E2F8: variants seen among roughly 807,000 people sequenced by gnomAD.
E2F8 encodes transcription factor E2F8.
A neutral mutation model predicts 80.8 loss-of-function variants in E2F8; 35 were observed. That is an observed-to-expected ratio of 0.43 (90% CI 0.33 to 0.57). The LOEUF is 0.57. E2F8 is among the 20% of genes least tolerant of loss of function. The pLI is 0.04. For synonymous variants in E2F8, 386 were observed against 395.0 expected (o/e 0.98, Z 0.27); for missense variants, 975 against 1,056.2 (o/e 0.92, Z 1.07).
rs1457849712 is a variant in E2F8 at position 19,233,913 on chromosome 11, G to C, written c.928+447C>G. On this transcript the variant is annotated intron_variant, in intron 6 of 12. Transcript: ENST00000250024. The stretch of plus-strand genomic sequence containing the variant: ...TGGGAGGCCTCCCAAAATTTGGGAG[G>C]CCGAGGTGGGTGGATCACGAGGTCA... Among the ~76,000 whole-genome samples the C allele has an allele frequency of 3.3e-5, 5 of 151,486 alleles. 1 individual carries two copies. Among genetic ancestry groups the C allele is most frequent in the Non-Finnish European group, 7.4e-5 (5 of 67,870 alleles).
chr11:19,234,654 G>A, intron 5 of E2F8, 90 bp downstream of exon 5: 1 of 1,527,978 alleles, frequency 6.5e-7, no homozygotes, highest in Non-Finnish European at 8.8e-7. Context: ...AAAGGCAGCA[G>A]TAGCTTTAGA....
chr11:19,236,706 A>G (rs1851528409), intron 4 of E2F8, among the ~76,000 whole-genome samples: 1 of 152,260 alleles, frequency 6.6e-6, no homozygotes, highest in Non-Finnish European at 1.5e-5. Context: ...TATCTTGCAC[A>G]GCACATCACT....
At position 19,234,445 on chromosome 11, in the gene E2F8, C is replaced by T. The variant is rs747585640; in HGVS notation, c.843G>A (p.Thr281=). The change falls in exon 6 of 13, where the codon ACG becomes ACA. Residue 281 remains threonine (T), a synonymous_variant. Transcript: ENST00000250024. The part of the protein sequence containing the change: ...QKFVMLFLVS[T]PQIVSLEVAA... ...CAACTTCTAGGCTTACTATCTGAGG[C>T]GTTGACACCAAAAACAGCATCACAA... 2.4e-5 allele frequency: 38 copies of T among 1,614,050 alleles called. No homozygotes were observed. In the Admixed American group the frequency reaches 2.7e-4, roughly 11 times the overall value.
In E2F8 at chr11:19,237,995, G is replaced by A; in HGVS notation, c.153C>T (p.Gly51=). 1 of 1,614,218 alleles carries A rather than the reference G, an allele frequency of 6.2e-7. No homozygotes were observed. Among genetic ancestry groups the A allele is most frequent in the Non-Finnish European group, 8.5e-7 (1 of 1,180,038 alleles). Residue 51 remains glycine, a synonymous_variant, in exon 3 of 13, where the codon GGC becomes GGT. Transcript: ENST00000250024. ...TCGGTGTCCACGGCTCTCCCTGAGA[G>A]CCTTCCTTGGGCTTGGTAGGTGTGG... ...PLTTPTKPKE[G]SQGEPWTPTA...
Position 19,225,404 on chromosome 11 carries a change from G to A in E2F8, c.2238C>T (p.Pro746=). 1 of 1,614,202 alleles carries A rather than the reference G, an allele frequency of 6.2e-7. No homozygotes were observed. Among genetic ancestry groups the A allele is most frequent in the South Asian group, 1.1e-5 (1 of 91,084 alleles). ...FTLQHLGLIS[P]NVQLSASPGS... ...CAGGGCTGGCAGACAACTGCACATT[G>A]GGTGAGATGAGTCCCAGGTGCTGCA... Residue 746 remains proline, a synonymous_variant, in exon 12 of 13, where the codon CCC becomes CCT. Transcript: ENST00000250024.
At chr11:19,234,145 TAAAAAAAAAAA>T (rs967973962) in intron 6 of E2F8, among the ~76,000 whole-genome samples, 4 of 92,568 alleles carry the variant, frequency 4.3e-5, no homozygotes, top group Non-Finnish European at 6.2e-5. Flanking sequence ...AGACTCCGTC[TAAAAAAAAAAA>T]AAAAAAAAAA....
rs1851353780 is a variant in E2F8 at position 19,230,674 on chromosome 11, T to C, written c.1227A>G (p.Arg409=). 1 of 1,614,106 alleles carries C rather than the reference T, an allele frequency of 6.2e-7. No individual in the cohort carries two copies. Among genetic ancestry groups the C allele is most frequent in the African/African-American group, 1.3e-5 (1 of 74,940 alleles). The change falls in exon 8 of 13, where the codon AGA becomes AGG. Residue 409 remains arginine, a synonymous_variant. Coordinates refer to ENST00000250024, the MANE Select transcript of E2F8 (RefSeq NM_024680.4). ...KLVKSIESDR[R]KINSAPSSPI... ...GGCTACTGGGCGCAGAATTTATCTTTCTCCGATCACTTTCTATACTCTTTA... is the reference window on the plus strand; with the variant it reads ...GGCTACTGGGCGCAGAATTTATCTTCCTCCGATCACTTTCTATACTCTTTA...
At position 19,229,454 on chromosome 11, in the gene E2F8, T is replaced by A; in HGVS notation, c.1893A>T (p.Ala631=). The change falls in exon 10 of 13, where the codon GCA becomes GCT. Residue 631 remains alanine, a splice_region_variant and synonymous_variant. Coordinates refer to ENST00000250024, the MANE Select transcript of E2F8 (RefSeq NM_024680.4). The surrounding 1 kb of genome is among the most constrained non-coding windows in gnomAD (Gnocchi z 4.3). ...EDLKGLENVS[A]TLFPSGYLIP... ...TTGTGCAGTTCAAGGCTGTACTTAC[T>A]GCGGAGACATTTTCAAGTCCTTTTA... The A allele has an allele frequency of 6.2e-7, 1 of 1,611,244 alleles. No individual in the cohort carries two copies. Among genetic ancestry groups the A allele is most frequent in the Admixed American group, 1.7e-5 (1 of 59,734 alleles).
chr11:19,227,779 C>T (rs1851273265), intron 10 of E2F8, among the ~76,000 whole-genome samples: 1 of 152,162 alleles, frequency 6.6e-6, no homozygotes, highest in South Asian at 2.1e-4. Flanking sequence ...TTTGCTCAGG[C>T]CATACTAAAA....
chr11:19,225,792 C>G lies in E2F8; in HGVS notation c.1966G>C (p.Gly656Arg). The G allele has an allele frequency of 3.7e-6, 6 of 1,613,886 alleles. No homozygotes were observed. The highest frequency in any genetic ancestry group is 1.7e-5 in the Admixed American group (1 of 60,004). The change falls in exon 11 of 13, where the codon GGT becomes CGT. Residue 656 changes from glycine (G) to arginine (R), a missense_variant. By Grantham distance (125) the Gly-to-Arg change is moderately radical. Coordinates refer to ENST00000250024, the MANE Select transcript of E2F8 (RefSeq NM_024680.4). The part of the protein sequence containing the change: ...SSLGAESILS[G>R]KENSSALSPN... The stretch of plus-strand genomic sequence containing the variant: ...GAAAGAGCACTTGAGTTTTCTTTAC[C>G]AGACAAAATGGACTCTGCCCCCAGG...
At chr11:19,241,242 C>A (rs1489380171), upstream of E2F8, among the ~76,000 whole-genome samples, 1 of 152,206 alleles carries the variant, frequency 6.6e-6, no homozygotes, top group African/African-American at 2.4e-5. The surrounding 1 kb of genome is among the most constrained non-coding windows in gnomAD (Gnocchi z 4.5). Context: ...CCGCCCCTCC[C>A]CCTCGTTCGC....
At position 19,230,563 on chromosome 11, in the gene E2F8, A is replaced by G. The variant is rs1050051918; in HGVS notation, c.1270+68T>C. The G allele has an allele frequency of 1.9e-6, 3 of 1,541,296 alleles. No homozygotes were observed. The African/African-American group carries it at 4.1e-5, about 21-fold the overall frequency. On this transcript the variant is annotated intron_variant, in intron 8 of 12. Coordinates refer to ENST00000250024, the MANE Select transcript of E2F8 (RefSeq NM_024680.4). Reference sequence around the variant, plus strand: ...TCTCTGACAACTATTGCAAGGATCAAGTAAGCTGAAAAAATGAGATAAAAG... The same window carrying G: ...TCTCTGACAACTATTGCAAGGATCAGGTAAGCTGAAAAAATGAGATAAAAG...
chr11:19,234,921 C>G lies in E2F8; in HGVS notation c.589G>C (p.Gly197Arg). ...NKTLGTLKSI[G>R]EENKYAEQIM... ...TGCTCGGCGTACTTATTCTCCTCCC[C>G]GATGCTCTTCAAGGTGCCAAGGGTT... The change falls in exon 5 of 13, where the codon GGG (glycine) becomes CGG (arginine). Residue 197 changes from glycine to arginine, a missense_variant. By Grantham distance (125) the Gly-to-Arg change is moderately radical. Transcript: ENST00000250024. 1 of 1,614,170 alleles carries G rather than the reference C, an allele frequency of 6.2e-7. No individual in the cohort carries two copies. The highest frequency in any genetic ancestry group is 8.5e-7 in the Non-Finnish European group (1 of 1,180,036).
intron 9 of E2F8, 43 bp downstream of exon 9, chr11:19,230,198 T>C (rs1218672032): frequency 6.3e-7 from 1 of 1,586,128 alleles, no homozygotes; most frequent in Non-Finnish European, 8.6e-7. Context: ...CAATGTAATG[T>C]AAAAGTAATT....
At chr11:19,226,272 ACCTGAGGTC>A (rs1851235004) in intron 10 of E2F8, among the ~76,000 whole-genome samples, 1 of 152,324 alleles carries the variant, frequency 6.6e-6, no homozygotes, top group East Asian at 1.9e-4. Flanking sequence ...ATTCTGAGGG[ACCTGAGGTC>A]CATGGGTTGC....
In E2F8 at chr11:19,234,596, A is replaced by G. The variant is rs1851463934; in HGVS notation, c.767-75T>C. 3.9e-5 allele frequency: 62 copies of G among 1,573,962 alleles called. 1 individual carries two copies. The South Asian group carries it at 7.1e-4, about 18-fold the overall frequency. ...TGACTTCTAAAGTAACAAGGCTAAA[A>G]ATACTACCACCTGATCATACAGCTG... On this transcript the variant is annotated intron_variant, in intron 5 of 12. Coordinates refer to ENST00000250024, the MANE Select transcript of E2F8 (RefSeq NM_024680.4).
At chr11:19,234,145 T>TAA (rs967973962) in intron 6 of E2F8, among the ~76,000 whole-genome samples, 7,112 of 92,394 alleles carry the variant, frequency 0.077, 564 homozygotes, top group African/African-American at 0.2. Context: ...AGACTCCGTC[T>TAA]AAAAAAAAAA....
chr11:19,229,154 A>G lies in E2F8; in HGVS notation c.1893+300T>C, dbSNP rs1851306465. 6.6e-6 allele frequency among the ~76,000 whole-genome samples: 1 copy of G among 152,166 alleles called. No individual in the cohort carries two copies. The highest frequency in any genetic ancestry group is 2.4e-5 in the African/African-American group (1 of 41,458). On this transcript the variant is annotated intron_variant, in intron 10 of 12. Transcript: ENST00000250024. The surrounding 1 kb of genome is among the most constrained non-coding windows in gnomAD (Gnocchi z 4.3). ...GGTTACGTCTGCTTGTAAATTATTT[A>G]AGACTTTCATGACAGCTGTTTGCAT...
At chr11:19,230,865 C>G (rs1851361493) in intron 7 of E2F8, 31 bp from the exon 8 acceptor site, 1 of 1,606,804 alleles carries the variant, frequency 6.2e-7, no homozygotes, top group East Asian at 2.2e-5. Context: ...GTATTAAAAC[C>G]TGGATGGCTC....
Sources: allele counts gnomAD v4.1 joint callset (sites outside exome capture counted in the v4.1 genomes callset), GRCh38; gene constraint gnomAD v4.1.1; non-coding constraint Gnocchi (gnomAD v3.1); transcripts MANE v1.5; gene names NCBI Gene and HGNC (gene_info 2026-07-23, HGNC 2026-07-21).